The following CDC42SE2 variants were observed in gnomAD, a reference collection of about 807,000 sequenced individuals.
CDC42SE2 encodes CDC42 small effector 2.
A neutral mutation model predicts 11.5 loss-of-function variants in CDC42SE2; 3 were observed. The ratio of observed to expected loss-of-function variants is 0.26; its 90% CI spans 0.12 to 0.67. The LOEUF (loss-of-function observed/expected upper bound fraction) is 0.67, where lower values mean the gene tolerates loss of function less well. Among genes scored for constraint, CDC42SE2 ranks in the 30% least tolerant of loss-of-function variants. CDC42SE2 has a pLI of 0.80. For synonymous variants in CDC42SE2, 33 were observed against 34.8 expected, an observed-to-expected ratio of 0.95 and a Z score of 0.18; for missense variants, 82 against 106.8, an observed-to-expected ratio of 0.77 and a Z score of 1.02.
intron 1 of CDC42SE2, among the ~76,000 whole-genome samples, chr5:131,298,541 C>T (rs541812947): frequency 3.3e-5 from 5 of 151,794 alleles, no homozygotes; most frequent in African/African-American, 9.7e-5. Context: ...GATACTTAAC[C>T]TCTAGTGACT....
At chr5:131,349,574 G>A (rs1414398478) in intron 2 of CDC42SE2, among the ~76,000 whole-genome samples, 1 of 152,166 alleles carries the variant, frequency 6.6e-6, no homozygotes, top group Non-Finnish European at 1.5e-5. Flanking sequence ...TTTCGACTGT[G>A]CAGGGAATTG....
intron 1 of CDC42SE2, among the ~76,000 whole-genome samples, chr5:131,273,026 A>G (rs1561567680): frequency 6.6e-6 from 1 of 152,074 alleles, no homozygotes; most frequent in Non-Finnish European, 1.5e-5. Flanking sequence ...CCCAACTTCT[A>G]AAAAATGAGG....
chr5:131,348,661 C>T (rs1025805248), intron 2 of CDC42SE2, among the ~76,000 whole-genome samples: 5 of 152,086 alleles, frequency 3.3e-5, no homozygotes, highest in Middle Eastern at 3.4e-3. Flanking sequence ...CATATGGAAC[C>T]GAAAAAGAGC....
intron 1 of CDC42SE2, among the ~76,000 whole-genome samples, chr5:131,313,809 A>T (rs932701262): frequency 6.6e-6 from 1 of 151,954 alleles, no homozygotes; most frequent in Non-Finnish European, 1.5e-5. Context: ...TGCCATTTCC[A>T]TATGATTTTA....
intron 1 of CDC42SE2, among the ~76,000 whole-genome samples, chr5:131,271,672 A>G (rs1181379003): frequency 1.3e-5 from 2 of 152,156 alleles, no homozygotes; most frequent in Non-Finnish European, 2.9e-5. Flanking sequence ...TGCGATCTGT[A>G]ATCCATTGCT....
At chr5:131,221,553 A>T in the CDC42SE2 span, among the ~76,000 whole-genome samples, 1 of 152,286 alleles carries the variant, frequency 6.6e-6, no homozygotes, top group East Asian at 1.9e-4. Context: ...CCCCACCCTC[A>T]GAATTCACAA....
At chr5:131,230,553 A>T in the CDC42SE2 span, among the ~76,000 whole-genome samples, 1 of 152,230 alleles carries the variant, frequency 6.6e-6, no homozygotes, top group Non-Finnish European at 1.5e-5. Flanking sequence ...AGAAGAAAAC[A>T]AATGGATTCT....
intron 1 of CDC42SE2, among the ~76,000 whole-genome samples, chr5:131,276,484 A>G (rs545617478): frequency 3.0e-4 from 45 of 152,174 alleles, no homozygotes; most frequent in Non-Finnish European, 4.6e-4. Context: ...AGTTGTTAAA[A>G]TAGGTGGCTT....
At chr5:131,366,974 C>T (rs1749875684) in intron 3 of CDC42SE2, among the ~76,000 whole-genome samples, 1 of 151,756 alleles carries the variant, frequency 6.6e-6, no homozygotes, top group African/African-American at 2.4e-5. Context: ...CTGTAGTGAG[C>T]CAGGATCGCA....
At chr5:131,390,562 C>T (rs1750619719) in intron 4 of CDC42SE2, among the ~76,000 whole-genome samples, 2 of 151,930 alleles carry the variant, frequency 1.3e-5, no homozygotes, top group Admixed American at 1.3e-4. Context: ...GTAATCCCAG[C>T]TACTAGGGAG....
chr5:131,221,965 A>C, the CDC42SE2 span, among the ~76,000 whole-genome samples: 1 of 152,358 alleles, frequency 6.6e-6, no homozygotes, highest in African/African-American at 2.4e-5. Flanking sequence ...CTGAAGTCAG[A>C]AATCATTTAA....
At chr5:131,309,054 C>G (rs867853751) in intron 1 of CDC42SE2, among the ~76,000 whole-genome samples, 4 of 151,638 alleles carry the variant, frequency 2.6e-5, no homozygotes, top group Non-Finnish European at 5.9e-5. Flanking sequence ...CCAGTTTTTG[C>G]CCATTCAGTA....
intron 3 of CDC42SE2, among the ~76,000 whole-genome samples, chr5:131,361,106 AT>A (rs199919747): frequency 0.037 from 4,545 of 122,602 alleles, 177 homozygotes; most frequent in African/African-American, 0.11. Flanking sequence ...AATTTATTTT[AT>A]TTTATTTATT....
chr5:131,287,733 C>T (rs1450888861), intron 1 of CDC42SE2, among the ~76,000 whole-genome samples: 1 of 152,110 alleles, frequency 6.6e-6, no homozygotes, highest in Non-Finnish European at 1.5e-5. Flanking sequence ...TTCGGCCTCC[C>T]AAAGTGTTGG....
In CDC42SE2 at chr5:131,359,473, C is replaced by A. The variant is rs990956526; in HGVS notation, c.-21C>A. Reference sequence around the variant, plus strand: ...GAGATTTGGAACCTTCATTGGTGCTCATTTACTGTGGACTGTAAGCATGAG... The same window carrying A: ...GAGATTTGGAACCTTCATTGGTGCTAATTTACTGTGGACTGTAAGCATGAG... On this transcript the variant is annotated 5_prime_UTR_variant, in exon 3 of 5. Transcript: ENST00000505065. 2.5e-6 allele frequency: 4 copies of A among 1,603,906 alleles called. No homozygotes were observed. In the African/African-American group the frequency reaches 4.0e-5, roughly 16 times the overall value.
At chr5:131,333,641 A>C (rs566276059) in intron 2 of CDC42SE2, among the ~76,000 whole-genome samples, 138 of 152,056 alleles carry the variant, frequency 9.1e-4, no homozygotes, top group South Asian at 5.6e-3. Flanking sequence ...CTTTTATTTC[A>C]TTGAGCAATG....
At chr5:131,387,445 G>A (rs1458641996) in intron 4 of CDC42SE2, among the ~76,000 whole-genome samples, 2 of 152,098 alleles carry the variant, frequency 1.3e-5, no homozygotes, top group Non-Finnish European at 2.9e-5. Context: ...CAGCTGTTTG[G>A]GAGGCTGAGC....
the CDC42SE2 span, among the ~76,000 whole-genome samples, chr5:131,216,886 G>A: frequency 6.6e-6 from 1 of 152,146 alleles, no homozygotes; most frequent in Non-Finnish European, 1.5e-5. Context: ...CCTGAGGAAG[G>A]CTTCACTGGA....
At chr5:131,320,020 C>T (rs1758128097) in intron 2 of CDC42SE2, among the ~76,000 whole-genome samples, 1 of 138,768 alleles carries the variant, frequency 7.2e-6, no homozygotes. Flanking sequence ...CACTGCACTC[C>T]AGCCTGGGGG....
Sources: gnomAD v4.1 joint callset for allele counts (sites outside exome capture counted in the v4.1 genomes callset) on GRCh38, gnomAD v4.1.1 for gene constraint, MANE v1.5 for transcripts, NCBI Gene and HGNC (gene_info 2026-07-23, HGNC 2026-07-21) for gene names.